SPPL3: variants seen among roughly 807,000 people sequenced by gnomAD.
The protein encoded by SPPL3 is signal peptide peptidase like 3, also known as signal peptide peptidase-like 3.
SPPL3 carries 5 observed loss-of-function variants against 42.4 expected under a neutral mutation model. That is an observed-to-expected ratio of 0.12 (90% CI 0.06 to 0.25). SPPL3 has a LOEUF of 0.25. SPPL3 is among the 10% of genes least tolerant of loss of function. SPPL3 has a pLI of 1.00. For synonymous variants in SPPL3, 195 were observed against 181.8 expected (o/e 1.07, Z -0.58); for missense variants, 235 against 489.0 (o/e 0.48, Z 4.90).
intron 1 of SPPL3, among the ~76,000 whole-genome samples, chr12:120,848,810 T>C (rs866084978): frequency 1.1e-4 from 16 of 152,240 alleles, no homozygotes; most frequent in East Asian, 1.9e-4. Flanking sequence ...TGTAAGAAAA[T>C]AGTAAGGACA....
rs148066157 is a variant in SPPL3 at position 120,825,401 on chromosome 12, A to C, written c.24-14515T>G. 4.2e-3 allele frequency among the ~76,000 whole-genome samples: 644 copies of C among 152,342 alleles called. 4 individuals are homozygous for C. The highest frequency in any genetic ancestry group is 0.014 in the African/African-American group (581 of 41,590). ...TTTTCTGTGAGTTAGGAAACACTAAAGAGCATCTGTTTATTGAGCACCTGA... is the reference window on the plus strand; with the variant it reads ...TTTTCTGTGAGTTAGGAAACACTAACGAGCATCTGTTTATTGAGCACCTGA... On this transcript the variant is annotated intron_variant, in intron 1 of 10. Transcript: ENST00000353487.
At chr12:120,875,352 G>A (rs1185839016) in intron 1 of SPPL3, among the ~76,000 whole-genome samples, 1 of 152,148 alleles carries the variant, frequency 6.6e-6, no homozygotes, top group Non-Finnish European at 1.5e-5. Flanking sequence ...AGATGGTGAT[G>A]AAGATGCATA....
chr12:120,856,533 A>G (rs1426358342), intron 1 of SPPL3, among the ~76,000 whole-genome samples: 2 of 131,694 alleles, frequency 1.5e-5, no homozygotes, highest in African/African-American at 2.9e-5. Context: ...TTTTTGAGAC[A>G]GAGCGAGACT....
chr12:120,857,770 G>C (rs1872509212), intron 1 of SPPL3, among the ~76,000 whole-genome samples: 1 of 152,146 alleles, frequency 6.6e-6, no homozygotes, highest in South Asian at 2.1e-4. Flanking sequence ...TGAACAATGA[G>C]AACACATGGA....
intron 1 of SPPL3, among the ~76,000 whole-genome samples, chr12:120,881,330 G>A (rs992076334): frequency 4.0e-5 from 6 of 150,706 alleles, no homozygotes; most frequent in Non-Finnish European, 8.9e-5. Context: ...TTAGCTGGGC[G>A]TGTTGGTGTG....
At chr12:120,821,104 G>T (rs1275684207) in intron 1 of SPPL3, among the ~76,000 whole-genome samples, 3 of 152,152 alleles carry the variant, frequency 2.0e-5, no homozygotes. Flanking sequence ...TGAAAGAAAG[G>T]TATTAGTCTT....
intron 1 of SPPL3, among the ~76,000 whole-genome samples, chr12:120,879,512 G>A (rs1158000576): frequency 2.0e-5 from 3 of 152,068 alleles, no homozygotes; most frequent in East Asian, 1.9e-4. Flanking sequence ...GCAAGTAAGC[G>A]TCTTAATATT....
chr12:120,803,243 T>C (rs1159382694), intron 2 of SPPL3, among the ~76,000 whole-genome samples: 1 of 152,230 alleles, frequency 6.6e-6, no homozygotes, highest in African/African-American at 2.4e-5. Flanking sequence ...ATTTCTTTTT[T>C]GGCTCTATTT....
Position 120,880,793 on chromosome 12 carries a change from A to G in SPPL3, c.23+23052T>C, listed in dbSNP as rs965430068. On this transcript the variant is annotated intron_variant, in intron 1 of 10. Transcript: ENST00000353487. ...CAGAGAGAGACTCCGTCTCGGGGGA[A>G]AAAAAAATTATTTGCAAATCATATA... 1.4e-4 allele frequency among the ~76,000 whole-genome samples: 21 copies of G among 151,810 alleles called. 1 individual carries two copies. Among genetic ancestry groups the G allele is most frequent in the South Asian group, 4.2e-4 (2 of 4,796 alleles).
intron 1 of SPPL3, among the ~76,000 whole-genome samples, chr12:120,814,014 C>T (rs1184514229): frequency 6.6e-6 from 1 of 152,134 alleles, no homozygotes; most frequent in East Asian, 1.9e-4. Context: ...ATAAGTTTAT[C>T]TTTTAACAGG....
At chr12:120,861,430 A>G (rs538269118) in intron 1 of SPPL3, among the ~76,000 whole-genome samples, 2 of 152,340 alleles carry the variant, frequency 1.3e-5, no homozygotes, top group Non-Finnish European at 1.5e-5. Flanking sequence ...TTGGCAATAA[A>G]TAACAGGAAG....
intron 1 of SPPL3, 66 bp downstream of exon 1, chr12:120,903,779 C>G: frequency 3.7e-6 from 4 of 1,077,956 alleles, no homozygotes; most frequent in Non-Finnish European, 5.0e-6. Flanking sequence ...TTCCCCTCGG[C>G]GGGCCGCGCC....
intron 1 of SPPL3, among the ~76,000 whole-genome samples, chr12:120,877,733 A>T (rs1031913193): frequency 2.7e-5 from 4 of 149,876 alleles, no homozygotes; most frequent in Non-Finnish European, 4.4e-5. Context: ...GTGAGCCGAG[A>T]TCGTGCCATT....
chr12:120,788,161 T>A (rs1441641749), intron 3 of SPPL3, among the ~76,000 whole-genome samples: 4 of 152,328 alleles, frequency 2.6e-5, no homozygotes, highest in Non-Finnish European at 4.4e-5. Context: ...TTGCTGTGCA[T>A]CCTCATCAGC....
At chr12:120,828,431 A>T (rs1871294584) in intron 1 of SPPL3, among the ~76,000 whole-genome samples, 1 of 152,314 alleles carries the variant, frequency 6.6e-6, no homozygotes, top group East Asian at 1.9e-4. Flanking sequence ...AAAAAGAGCA[A>T]ATTAAACTCA....
At chr12:120,804,491 T>C (rs1870425272) in intron 2 of SPPL3, among the ~76,000 whole-genome samples, 2 of 152,044 alleles carry the variant, frequency 1.3e-5, no homozygotes, top group South Asian at 4.1e-4. Context: ...GAAAAGATGC[T>C]CAACATCAGT....
chr12:120,855,608 A>C (rs944542039), intron 1 of SPPL3, among the ~76,000 whole-genome samples: 2 of 150,904 alleles, frequency 1.3e-5, no homozygotes, highest in East Asian at 3.9e-4. Context: ...AATCGCTTGA[A>C]CCCGGGAGAT....
chr12:120,807,588 C>T (rs1042883812), intron 2 of SPPL3, among the ~76,000 whole-genome samples: 17 of 151,374 alleles, frequency 1.1e-4, no homozygotes, highest in African/African-American at 3.9e-4. Flanking sequence ...GCAGGAGAAT[C>T]GCTTGAGCCT....
At chr12:120,851,094 T>C (rs1437648982) in intron 1 of SPPL3, among the ~76,000 whole-genome samples, 1 of 152,224 alleles carries the variant, frequency 6.6e-6, no homozygotes, top group Non-Finnish European at 1.5e-5. Context: ...TAAAATTCTA[T>C]GAAGTATACT....
Sources: gnomAD v4.1 joint callset for allele counts (sites outside exome capture counted in the v4.1 genomes callset) on GRCh38, gnomAD v4.1.1 for gene constraint, MANE v1.5 for transcripts, NCBI Gene and HGNC (gene_info 2026-07-23, HGNC 2026-07-21) for gene names.